NME7: variants seen among roughly 807,000 people sequenced by gnomAD.
NME7 encodes nucleoside diphosphate kinase 7.
NME7 carries 41 observed loss-of-function variants against 49.1 expected under a neutral mutation model. The ratio of observed to expected loss-of-function variants is 0.83; its 90% CI spans 0.65 to 1.08. The LOEUF (loss-of-function observed/expected upper bound fraction) is 1.08. NME7 is among the 50% of genes least tolerant of loss of function. The pLI, the probability that NME7 is intolerant of heterozygous loss-of-function variation, is 0.00. For synonymous variants in NME7, 139 were observed against 150.6 expected (o/e 0.92, Z 0.56); for missense variants, 423 against 463.4 (o/e 0.91, Z 0.80).
intron 3 of NME7, among the ~76,000 whole-genome samples, chr1:169,310,981 A>C (rs1651358839): frequency 6.6e-6 from 1 of 152,246 alleles, no homozygotes; most frequent in Non-Finnish European, 1.5e-5. Flanking sequence ...TTTTGTGATA[A>C]AGAATTGCTG....
intron 6 of NME7, among the ~76,000 whole-genome samples, chr1:169,293,517 T>C (rs1400791855): frequency 8.5e-5 from 13 of 152,146 alleles, no homozygotes. Context: ...GGTCATCTCT[T>C]GAGCACTCTA....
intron 11 of NME7, among the ~76,000 whole-genome samples, chr1:169,153,847 T>C (rs1422745439): frequency 6.7e-6 from 1 of 149,890 alleles, no homozygotes; most frequent in Non-Finnish European, 1.5e-5. Context: ...TTTAAACACC[T>C]GCCACCATGC....
chr1:169,184,121 T>G lies in NME7; in HGVS notation c.991-14567A>C, dbSNP rs1660005096. ...GAATTGTAAACTGTGACTATGATCTTGAAACACACTTACATTGTTTTTAAA... is the reference window on the plus strand; with the variant it reads ...GAATTGTAAACTGTGACTATGATCTGGAAACACACTTACATTGTTTTTAAA... On this transcript the variant is annotated intron_variant, in intron 10 of 11. Coordinates refer to ENST00000367811, the MANE Select transcript of NME7 (RefSeq NM_013330.5). 3.3e-5 allele frequency among the ~76,000 whole-genome samples: 5 copies of G among 152,190 alleles called. No homozygotes were observed. The South Asian group carries it at 1.0e-3, about 32-fold the overall frequency.
chr1:169,294,838 G>T (rs991360817), intron 6 of NME7, among the ~76,000 whole-genome samples: 2 of 152,140 alleles, frequency 1.3e-5, no homozygotes, highest in African/African-American at 4.8e-5. Context: ...TAGCTGCTCT[G>T]GATTGGATGT....
At chr1:169,156,688 A>G (rs990920330) in intron 11 of NME7, among the ~76,000 whole-genome samples, 2 of 152,344 alleles carry the variant, frequency 1.3e-5, no homozygotes, top group South Asian at 4.1e-4. Context: ...CTGGCACTGT[A>G]CTTGAGAAAC....
intron 7 of NME7, among the ~76,000 whole-genome samples, chr1:169,266,403 C>G (rs922072505): frequency 7.5e-6 from 1 of 133,152 alleles, no homozygotes; most frequent in African/African-American, 2.5e-5. Context: ...TCAGCATCCC[C>G]TCATGTTAAA....
chr1:169,153,591 T>C (rs9887916), intron 11 of NME7, among the ~76,000 whole-genome samples: 57,503 of 152,114 alleles, frequency 0.38, 11,350 homozygotes, highest in East Asian at 0.73. Flanking sequence ...ACTTACTGTT[T>C]CTAACACTTC....
At chr1:169,189,320 A>G (rs900340813) in intron 10 of NME7, among the ~76,000 whole-genome samples, 1 of 152,124 alleles carries the variant, frequency 6.6e-6, no homozygotes, top group Non-Finnish European at 1.5e-5. Context: ...AAAACAATGA[A>G]TGTTTAATAA....
At chr1:169,150,501 C>T (rs1658882303) in intron 11 of NME7, among the ~76,000 whole-genome samples, 1 of 152,078 alleles carries the variant, frequency 6.6e-6, no homozygotes, top group African/African-American at 2.4e-5. Flanking sequence ...TGAAGATCAT[C>T]ATAGTAAAGG....
chr1:169,330,475 C>T (rs1190096890), intron 1 of NME7, among the ~76,000 whole-genome samples: 1 of 152,012 alleles, frequency 6.6e-6, no homozygotes, highest in Non-Finnish European at 1.5e-5. Context: ...GTCAGGAGTT[C>T]AAGACCAGCC....
rs1179674679 is a variant in NME7, at chr1:169,255,910, G to T, written c.755-18223C>A. On this transcript the variant is annotated intron_variant, in intron 7 of 11. Coordinates refer to ENST00000367811, the MANE Select transcript of NME7 (RefSeq NM_013330.5). Reference sequence around the variant, plus strand: ...ATTGGCCCCCACTCTCTTCTGGCTTGTAGGGTTTCTGCCGAGAGATCCACT... The same window carrying T: ...ATTGGCCCCCACTCTCTTCTGGCTTTTAGGGTTTCTGCCGAGAGATCCACT... 1.5e-5 allele frequency among the ~76,000 whole-genome samples: 2 copies of T among 133,420 alleles called. 1 individual carries two copies. The highest frequency in any genetic ancestry group is 3.5e-5 in the Non-Finnish European group (2 of 56,806). The allele number at this position is 133,420 out of a possible 152,430, so 87.5% of individuals were successfully genotyped here. A position where few individuals can be genotyped will look rare whatever the true frequency, so the allele number is the denominator to read the frequency against.
intron 10 of NME7, among the ~76,000 whole-genome samples, chr1:169,185,938 A>G (rs1434543884): frequency 1.3e-5 from 2 of 152,184 alleles, no homozygotes; most frequent in African/African-American, 4.8e-5. Flanking sequence ...GACACAAGGA[A>G]GTACTTAATA....
intron 10 of NME7, among the ~76,000 whole-genome samples, chr1:169,175,606 T>C (rs1369583819): frequency 6.6e-6 from 1 of 152,124 alleles, no homozygotes; most frequent in African/African-American, 2.4e-5. Context: ...TATAATCTTA[T>C]GGGATCAGCA....
intron 6 of NME7, among the ~76,000 whole-genome samples, chr1:169,296,201 C>T (rs951350406): frequency 6.6e-6 from 1 of 152,176 alleles, no homozygotes; most frequent in Non-Finnish European, 1.5e-5. Flanking sequence ...TCCCGTCCCA[C>T]AATTTTCTTT....
At chr1:169,169,343 C>T in intron 11 of NME7, 104 bp downstream of exon 11, 1 of 959,724 alleles carries the variant, frequency 1.0e-6, no homozygotes, top group Non-Finnish European at 1.6e-6. Context: ...TAACCTAGAA[C>T]TTGAAGTATA....
At chr1:169,209,678 AT>A (rs1430026597) in intron 10 of NME7, among the ~76,000 whole-genome samples, 1 of 151,842 alleles carries the variant, frequency 6.6e-6, no homozygotes. Flanking sequence ...CTTTATTTAA[AT>A]TTTCCATGGA....
chr1:169,212,067 A>G (rs1660838225), intron 10 of NME7, among the ~76,000 whole-genome samples: 3 of 152,136 alleles, frequency 2.0e-5, no homozygotes, highest in Admixed American at 1.3e-4. Flanking sequence ...AGCAAAAGAA[A>G]TCCAAGACAC....
intron 10 of NME7, among the ~76,000 whole-genome samples, chr1:169,213,433 A>T (rs1017495894): frequency 6.6e-6 from 1 of 152,100 alleles, no homozygotes; most frequent in Non-Finnish European, 1.5e-5. Context: ...ATGGTTGCCA[A>T]TGCTGGATTT....
At position 169,162,975 on chromosome 1, in the gene NME7, T is replaced by A. The variant is rs1293059519; in HGVS notation, c.1098+6472A>T. ...CATTGAGGTTCTCAATTTTAGTACA[T>A]GCAAAGTTTTGGTTGTTCCCGTAAG... On this transcript the variant is annotated intron_variant, in intron 11 of 11. Transcript: ENST00000367811. 2.6e-5 allele frequency among the ~76,000 whole-genome samples: 4 copies of A among 152,316 alleles called. No individual in the cohort carries two copies. In the South Asian group the frequency reaches 6.2e-4, roughly 24 times the overall value.
Sources: allele counts gnomAD v4.1 joint callset (sites outside exome capture counted in the v4.1 genomes callset), GRCh38; gene constraint gnomAD v4.1.1; transcripts MANE v1.5; gene names NCBI Gene and HGNC (gene_info 2026-07-23, HGNC 2026-07-21).